Variants in RANBP10 observed in about 807,000 individuals in gnomAD.
RANBP10 encodes RAN binding protein 10, also known as ran-binding protein 10.
RANBP10 carries 24 observed loss-of-function variants against 72.8 expected under a neutral mutation model. The observed-to-expected ratio is 0.33, with a 90% confidence interval of 0.24 to 0.46. The LOEUF (loss-of-function observed/expected upper bound fraction) is 0.46, where lower values mean the gene tolerates loss of function less well. Among genes scored for constraint, RANBP10 ranks in the 20% least tolerant of loss-of-function variants. RANBP10 has a pLI of 1.00. For synonymous variants in RANBP10, 310 were observed against 322.3 expected, an observed-to-expected ratio of 0.96 and a Z score of 0.41; for missense variants, 679 against 817.5, an observed-to-expected ratio of 0.83 and a Z score of 2.07.
intron 10 of RANBP10, 75 bp from the exon 11 acceptor site, chr16:67,728,586 C>G: frequency 1.2e-6 from 2 of 1,608,480 alleles, no homozygotes; most frequent in Non-Finnish European, 1.7e-6. Context: ...TCCTTTCAAG[C>G]TGTAGCCATG....
At chr16:67,767,754 G>A (rs1261457420) in intron 3 of RANBP10, among the ~76,000 whole-genome samples, 7 of 152,154 alleles carry the variant, frequency 4.6e-5, no homozygotes, top group Admixed American at 6.5e-5. Context: ...CCACCACCGC[G>A]CCCGGCTAAT....
In RANBP10 at chr16:67,729,890, G is replaced by C; in HGVS notation, c.998+48C>G. The C allele has an allele frequency of 6.2e-7, 1 of 1,613,548 alleles. No individual in the cohort carries two copies. Reference sequence around the variant, plus strand: ...GTCCAGGTTGACGTTCCCACCACCAGCTGAGAGGGGCTGGACTCTGGGGGA... The same window carrying C: ...GTCCAGGTTGACGTTCCCACCACCACCTGAGAGGGGCTGGACTCTGGGGGA... On this transcript the variant is annotated intron_variant, in intron 8 of 13. Transcript: ENST00000317506. The surrounding 1 kb of genome is among the most constrained non-coding windows in gnomAD (Gnocchi z 7.1).
In RANBP10 at chr16:67,730,380, A is replaced by G. The variant is rs569436511; in HGVS notation, c.890-334T>C. Among the ~76,000 whole-genome samples the G allele has an allele frequency of 6.6e-6, 1 of 152,216 alleles. No homozygotes were observed. The highest frequency in any genetic ancestry group is 1.9e-4 in the East Asian group (1 of 5,166). Reference sequence around the variant, plus strand: ...GTAGGGCCCCAGCTGGGGCAACATGATCTGGGGATGGGCACCCAGGCAGCT... The same window carrying G: ...GTAGGGCCCCAGCTGGGGCAACATGGTCTGGGGATGGGCACCCAGGCAGCT... On this transcript the variant is annotated intron_variant, in intron 7 of 13. Coordinates refer to ENST00000317506, the MANE Select transcript of RANBP10 (RefSeq NM_020850.3). The surrounding 1 kb of genome is among the most constrained non-coding windows in gnomAD (Gnocchi z 4.3).
At position 67,730,167 on chromosome 16, in the gene RANBP10, G is replaced by C; in HGVS notation, c.890-121C>G. ...TCAGAGTGCCTCGCCAGCTTGAAAT[G>C]CTCACAGGAGAGGAGGCTGGAGAAA... On this transcript the variant is annotated intron_variant, in intron 7 of 13. Coordinates refer to ENST00000317506, the MANE Select transcript of RANBP10 (RefSeq NM_020850.3). The surrounding 1 kb of genome is among the most constrained non-coding windows in gnomAD (Gnocchi z 4.3). 1 of 808,178 alleles carries C rather than the reference G, an allele frequency of 1.2e-6. No homozygotes were observed. Among genetic ancestry groups the C allele is most frequent in the Admixed American group, 2.3e-5 (1 of 43,898 alleles). 50.1% of individuals were successfully genotyped at this position (808,178 alleles called of 1,614,324 possible). A position where few individuals can be genotyped will look rare whatever the true frequency, so the allele number is the denominator to read the frequency against.
At chr16:67,731,732 G>C (rs2053737792) in intron 6 of RANBP10, 148 bp from the exon 7 acceptor site, 1 of 611,088 alleles carries the variant, frequency 1.6e-6, no homozygotes, top group African/African-American at 1.9e-5. Flanking sequence ...TAAAGGGGCT[G>C]AAACAAAATG....
chr16:67,768,123 C>T (rs1300539442), intron 3 of RANBP10, among the ~76,000 whole-genome samples: 1 of 151,014 alleles, frequency 6.6e-6, no homozygotes, highest in Non-Finnish European at 1.5e-5. Context: ...GGCATGATGA[C>T]TCATACTTGT....
chr16:67,798,011 A>G (rs918976288), intron 2 of RANBP10, among the ~76,000 whole-genome samples: 3 of 149,518 alleles, frequency 2.0e-5, no homozygotes, highest in African/African-American at 7.4e-5. Flanking sequence ...AAAAAAAAAA[A>G]GCAAAGAACA....
intron 2 of RANBP10, among the ~76,000 whole-genome samples, chr16:67,784,542 G>A (rs1468765050): frequency 2.6e-5 from 4 of 152,174 alleles, no homozygotes; most frequent in African/African-American, 9.7e-5. Flanking sequence ...TCTAATCCCA[G>A]CTACTCTGGA....
intron 3 of RANBP10, among the ~76,000 whole-genome samples, chr16:67,760,636 A>G (rs925849483): frequency 5.3e-5 from 8 of 152,124 alleles, no homozygotes; most frequent in Non-Finnish European, 8.8e-5. Context: ...CCTATCCCCA[A>G]TCCCTGCTGT....
intron 3 of RANBP10, among the ~76,000 whole-genome samples, chr16:67,764,082 G>A (rs986645488): frequency 6.6e-6 from 1 of 152,212 alleles, no homozygotes; most frequent in African/African-American, 2.4e-5. Flanking sequence ...TCAGGGAGAT[G>A]CAGATTATCC....
At chr16:67,802,559 A>G (rs2055255899) in intron 2 of RANBP10, among the ~76,000 whole-genome samples, 1 of 152,034 alleles carries the variant, frequency 6.6e-6, no homozygotes, top group South Asian at 2.1e-4. Flanking sequence ...AATCACTTGA[A>G]CCCAGAAAGT....
At chr16:67,804,428 G>C (rs1171517618) in intron 2 of RANBP10, among the ~76,000 whole-genome samples, 2 of 151,892 alleles carry the variant, frequency 1.3e-5, no homozygotes, top group African/African-American at 4.8e-5. Context: ...TTGGGACAGA[G>C]TCTCACTCTA....
chr16:67,733,382 G>T (rs2053772823), intron 6 of RANBP10, among the ~76,000 whole-genome samples: 4 of 151,934 alleles, frequency 2.6e-5, no homozygotes, highest in Admixed American at 2.6e-4. Context: ...AGTAAAGTAA[G>T]TATAATTATT....
intron 2 of RANBP10, among the ~76,000 whole-genome samples, chr16:67,782,044 C>CA (rs2054823885): frequency 6.6e-6 from 1 of 152,270 alleles, no homozygotes; most frequent in African/African-American, 2.4e-5. Flanking sequence ...GAGCTGCAAG[C>CA]ACAGTCCAGT....
intron 3 of RANBP10, chr16:67,763,420 G>C (rs1223875875): frequency 6.6e-6 from 1 of 152,278 alleles, no homozygotes; most frequent in Non-Finnish European, 1.5e-5. Flanking sequence ...GTTTTTGCAG[G>C]AAAATAACCC....
intron 2 of RANBP10, among the ~76,000 whole-genome samples, chr16:67,799,258 C>T (rs549638482): frequency 2.7e-3 from 408 of 150,702 alleles, no homozygotes; most frequent in Non-Finnish European, 5.2e-3. Flanking sequence ...CTGGCCCTAC[C>T]GACCTCATGT....
intron 7 of RANBP10, chr16:67,731,179 AAAC>A: frequency 2.8e-6 from 1 of 350,998 alleles, no homozygotes; most frequent in Non-Finnish European, 5.4e-6. Flanking sequence ...AGGGGGAAGG[AAAC>A]AAGCAGGGAG....
chr16:67,790,388 G>C (rs2055001988), intron 2 of RANBP10, among the ~76,000 whole-genome samples: 1 of 151,798 alleles, frequency 6.6e-6, no homozygotes, highest in African/African-American at 2.4e-5. Context: ...TATGGTGATG[G>C]TTGCACAACA....
chr16:67,776,461 CAAAAAAAAAAA>C (rs149876935), intron 2 of RANBP10, among the ~76,000 whole-genome samples: 3 of 37,894 alleles, frequency 7.9e-5, no homozygotes, highest in Admixed American at 3.4e-4. Flanking sequence ...GACTCCATCT[CAAAAAAAAAAA>C]AAAAAAAAAA....
Sources: gnomAD v4.1 joint callset for allele counts (sites outside exome capture counted in the v4.1 genomes callset) on GRCh38, gnomAD v4.1.1 for gene constraint, Gnocchi (gnomAD v3.1) non-coding constraint, MANE v1.5 for transcripts, NCBI Gene and HGNC (gene_info 2026-07-23, HGNC 2026-07-21) for gene names.